NR5A2: variants seen among roughly 807,000 people sequenced by gnomAD.
NR5A2 encodes nuclear receptor subfamily 5 group A member 2.
In NR5A2, 26 loss-of-function variants were observed where a neutral mutation model predicts 62.7. That is an observed-to-expected ratio of 0.41 (90% CI 0.30 to 0.58). NR5A2 has a LOEUF of 0.58. NR5A2 is among the 20% of genes least tolerant of loss of function. The pLI, the probability that NR5A2 is intolerant of heterozygous loss-of-function variation, is 0.22. For synonymous variants in NR5A2, 246 were observed against 241.7 expected (o/e 1.02, Z -0.16); for missense variants, 541 against 669.1 (o/e 0.81, Z 2.11).
At chr1:200,064,401 A>AGTAAGGGAGGG (rs1157500202) in intron 5 of NR5A2, among the ~76,000 whole-genome samples, 1 of 152,176 alleles carries the variant, frequency 6.6e-6, no homozygotes, top group East Asian at 1.9e-4. Context: ...ACAAGGTGAG[A>AGTAAGGGAGGG]GTAAGGGAGG....
intron 5 of NR5A2, among the ~76,000 whole-genome samples, chr1:200,096,928 C>A (rs983444632): frequency 6.6e-6 from 1 of 152,206 alleles, no homozygotes; most frequent in Non-Finnish European, 1.5e-5. Flanking sequence ...GGTTCACTCT[C>A]TGCTGTTCAC....
intron 7 of NR5A2, among the ~76,000 whole-genome samples, chr1:200,163,759 C>A (rs542981995): frequency 2.0e-5 from 3 of 152,102 alleles, no homozygotes; most frequent in Non-Finnish European, 4.4e-5. Flanking sequence ...GGATTACAAG[C>A]GTGAGCCACT....
intron 5 of NR5A2, among the ~76,000 whole-genome samples, chr1:200,081,765 A>AG (rs1481263127): frequency 2.5e-4 from 33 of 132,056 alleles, no homozygotes; most frequent in South Asian, 1.5e-3. Flanking sequence ...AACATAGTCT[A>AG]CCTTTTTTTT....
intron 5 of NR5A2, among the ~76,000 whole-genome samples, chr1:200,072,284 A>G (rs1663771791): frequency 6.6e-6 from 1 of 152,188 alleles, no homozygotes; most frequent in African/African-American, 2.4e-5. Flanking sequence ...ATTTTTAATT[A>G]TTATATATTC....
At chr1:200,028,933 T>C (rs1661445718) in intron 1 of NR5A2, 1 of 340,212 alleles carries the variant, frequency 2.9e-6, no homozygotes, top group Non-Finnish European at 5.9e-6. Flanking sequence ...CCCTAAAGTA[T>C]ATCACTTGAG....
chr1:200,045,147 A>T lies in NR5A2; in HGVS notation c.322-296A>T, dbSNP rs866204102. Among the ~76,000 whole-genome samples, 903 of 152,092 alleles carry T rather than the reference A, an allele frequency of 5.9e-3. 13 individuals are homozygous for T. The highest frequency in any genetic ancestry group is 0.02 in the African/African-American group (837 of 41,396). On this transcript the variant is annotated intron_variant, in intron 3 of 7. Coordinates refer to ENST00000367362, the MANE Select transcript of NR5A2 (RefSeq NM_205860.3). ...TAATAGGAAAATAGATTAAAAAAAAATTTATCTATATAGAGTGTATTTTTT... is the reference window on the plus strand; with the variant it reads ...TAATAGGAAAATAGATTAAAAAAAATTTTATCTATATAGAGTGTATTTTTT...
chr1:200,051,614 C>T (rs1662637329), intron 5 of NR5A2, among the ~76,000 whole-genome samples: 1 of 152,170 alleles, frequency 6.6e-6, no homozygotes, highest in South Asian at 2.1e-4. Flanking sequence ...AATTTTGACC[C>T]ACTTCACAGT....
chr1:200,150,459 G>A (rs1326642383), intron 7 of NR5A2, among the ~76,000 whole-genome samples: 1 of 152,148 alleles, frequency 6.6e-6, no homozygotes, highest in Non-Finnish European at 1.5e-5. Context: ...TAGAATTAGA[G>A]CTTCTTGTTA....
At chr1:200,090,720 C>T (rs563707318) in intron 5 of NR5A2, among the ~76,000 whole-genome samples, 1 of 152,292 alleles carries the variant, frequency 6.6e-6, no homozygotes, top group South Asian at 2.1e-4. Flanking sequence ...GATTTCTCTC[C>T]CAGTGGCTGT....
chr1:200,126,272 T>C (rs1014166145), intron 7 of NR5A2, among the ~76,000 whole-genome samples: 8 of 152,186 alleles, frequency 5.3e-5, no homozygotes, highest in African/African-American at 1.7e-4. Flanking sequence ...CCAAACAAAG[T>C]TGGGGGCAGG....
chr1:200,128,216 G>A lies in NR5A2; in HGVS notation c.1378+7261G>A, dbSNP rs147705402. 6.1e-4 allele frequency among the ~76,000 whole-genome samples: 93 copies of A among 152,266 alleles called. 1 individual carries two copies. Among genetic ancestry groups the A allele is most frequent in the Non-Finnish European group, 1.2e-3 (82 of 68,026 alleles). ...AAACATTGGTCCTCCATACAGGCAG[G>A]TTTCGTATCTGTGAATACTGTGTTC... On this transcript the variant is annotated intron_variant, in intron 7 of 7. Transcript: ENST00000367362.
intron 7 of NR5A2, among the ~76,000 whole-genome samples, chr1:200,130,539 C>T (rs1254581880): frequency 1.3e-5 from 2 of 152,156 alleles, no homozygotes; most frequent in African/African-American, 4.8e-5. Context: ...GCTGTAAGAG[C>T]TTCAGAAGGG....
At chr1:200,062,127 G>A (rs967045538) in intron 5 of NR5A2, among the ~76,000 whole-genome samples, 4 of 151,960 alleles carry the variant, frequency 2.6e-5, no homozygotes, top group Admixed American at 6.6e-5. Context: ...TTCTTAATTA[G>A]CGTTCCTTAT....
chr1:200,040,209 A>C (rs1488351325), intron 2 of NR5A2, among the ~76,000 whole-genome samples: 1 of 152,164 alleles, frequency 6.6e-6, no homozygotes. Flanking sequence ...GAGGCGACCC[A>C]GTCTAGGAAA....
intron 6 of NR5A2, among the ~76,000 whole-genome samples, chr1:200,119,855 C>T (rs1041332389): frequency 6.6e-6 from 1 of 152,066 alleles, no homozygotes; most frequent in African/African-American, 2.4e-5. Context: ...GCGATCCGCC[C>T]ACCTCGGCCT....
chr1:200,091,845 AGT>A (rs1664832527), intron 5 of NR5A2, among the ~76,000 whole-genome samples: 1 of 151,896 alleles, frequency 6.6e-6, no homozygotes, highest in Non-Finnish European at 1.5e-5. Flanking sequence ...TTGGTGTGTG[AGT>A]GTGTGTGGAG....
chr1:200,098,621 C>G (rs1003085590), intron 5 of NR5A2, among the ~76,000 whole-genome samples: 2 of 151,658 alleles, frequency 1.3e-5, no homozygotes, highest in Non-Finnish European at 2.9e-5. Flanking sequence ...GCCCACCTAG[C>G]CTGAGTTTCC....
At chr1:200,132,817 C>T (rs1558158545) in intron 7 of NR5A2, among the ~76,000 whole-genome samples, 1 of 152,140 alleles carries the variant, frequency 6.6e-6, no homozygotes, top group Non-Finnish European at 1.5e-5. Context: ...GGAGCCTTAG[C>T]AAGGGGCACT....
At position 200,106,551 on chromosome 1, in the gene NR5A2, C is replaced by T. The variant is rs1571487125; in HGVS notation, c.1111-4651C>T. On this transcript the variant is annotated intron_variant, in intron 5 of 7. Transcript: ENST00000367362. ...TCCTTTTATTGTAGCTGATAACACA[C>T]GATTATATGAGGTGGTATTGCTAAC... Among the ~76,000 whole-genome samples, 4 of 152,112 alleles carry T rather than the reference C, an allele frequency of 2.6e-5. No individual in the cohort carries two copies. The East Asian group carries it at 5.8e-4, about 22-fold the overall frequency.
Sources: allele counts gnomAD v4.1 joint callset (sites outside exome capture counted in the v4.1 genomes callset), GRCh38; gene constraint gnomAD v4.1.1; transcripts MANE v1.5; gene names NCBI Gene and HGNC (gene_info 2026-07-23, HGNC 2026-07-21).